The following AGBL4 variants were observed in gnomAD, a reference collection of about 807,000 sequenced individuals.
AGBL4 encodes the protein cytosolic carboxypeptidase 6.
In AGBL4, 58 loss-of-function variants were observed where a neutral mutation model predicts 66.4. That is an observed-to-expected ratio of 0.87 (90% confidence interval 0.71 to 1.09). AGBL4 has a LOEUF of 1.09. Ranked by LOEUF, AGBL4 falls within the 50% of genes least tolerant of loss-of-function variation. The pLI, the probability that AGBL4 is intolerant of heterozygous loss-of-function variation, is 0.00. For missense variants in AGBL4, 579 were observed against 631.0 expected (o/e 0.92, Z 0.88); for synonymous variants, 234 against 222.9 (o/e 1.05, Z -0.44).
intron 2 of AGBL4, among the ~76,000 whole-genome samples, chr1:49,832,242 T>C (rs1340303454): frequency 1.2e-3 from 181 of 147,634 alleles, no homozygotes; most frequent in Admixed American, 3.0e-3. Context: ...TGAGAATATG[T>C]GGTGTTTGGT....
chr1:48,577,223 G>A (rs1375865323), intron 11 of AGBL4, among the ~76,000 whole-genome samples: 1 of 152,144 alleles, frequency 6.6e-6, no homozygotes, highest in Admixed American at 6.5e-5. Flanking sequence ...AAGAAGGTGG[G>A]AACACAAGTA....
At chr1:49,098,417 G>T (rs1415445100) in intron 4 of AGBL4, among the ~76,000 whole-genome samples, 1 of 152,206 alleles carries the variant, frequency 6.6e-6, no homozygotes, top group Non-Finnish European at 1.5e-5. Context: ...GCCTGATCTG[G>T]TTTAGGACAG....
chr1:49,651,994 A>T (rs1646016490), intron 3 of AGBL4, among the ~76,000 whole-genome samples: 1 of 152,142 alleles, frequency 6.6e-6, no homozygotes, highest in Non-Finnish European at 1.5e-5. Flanking sequence ...GAAAGACAAG[A>T]TATAATAAAA....
chr1:49,057,526 T>G (rs978881129), intron 4 of AGBL4, among the ~76,000 whole-genome samples: 1 of 152,374 alleles, frequency 6.6e-6, no homozygotes, highest in Middle Eastern at 3.4e-3. Context: ...TTAACATGAC[T>G]TTTTTACTTC....
intron 3 of AGBL4, among the ~76,000 whole-genome samples, chr1:49,545,042 C>T (rs977879478): frequency 2.6e-5 from 4 of 152,122 alleles, no homozygotes; most frequent in African/African-American, 9.7e-5. Context: ...TTAATCCCAC[C>T]TCCTAATAGT....
chr1:49,244,946 G>A (rs929789761), intron 4 of AGBL4, among the ~76,000 whole-genome samples: 1 of 151,568 alleles, frequency 6.6e-6, no homozygotes, highest in African/African-American at 2.4e-5. Flanking sequence ...TGGCTGAAAA[G>A]GTATTACAGG....
At chr1:49,562,341 T>G (rs1644070358) in intron 3 of AGBL4, among the ~76,000 whole-genome samples, 2 of 152,184 alleles carry the variant, frequency 1.3e-5, no homozygotes, top group Non-Finnish European at 2.9e-5. Flanking sequence ...TTTTGGCTTT[T>G]GTTGCCATTG....
intron 5 of AGBL4, among the ~76,000 whole-genome samples, chr1:48,896,056 C>G (rs1191006558): frequency 6.6e-6 from 1 of 152,220 alleles, no homozygotes; most frequent in Non-Finnish European, 1.5e-5. Context: ...TTTCTCCCTA[C>G]TTCACAGGGT....
Position 50,001,370 on chromosome 1 carries a change from T to C in AGBL4, c.34+22393A>G, listed in dbSNP as rs1267926125. 4.0e-5 allele frequency among the ~76,000 whole-genome samples: 6 copies of C among 151,564 alleles called. No individual in the cohort carries two copies. In the East Asian group the frequency reaches 9.7e-4, roughly 24 times the overall value. On this transcript the variant is annotated intron_variant, in intron 1 of 13. Transcript: ENST00000371839. Reference sequence around the variant, plus strand: ...AAGTAGAAGGAAAAAAAACACAATCTTACCTTACATCTCTGGTGAATTTTT... The same window carrying C: ...AAGTAGAAGGAAAAAAAACACAATCCTACCTTACATCTCTGGTGAATTTTT...
chr1:48,903,022 C>T (rs1197274918), intron 5 of AGBL4, among the ~76,000 whole-genome samples: 1 of 152,184 alleles, frequency 6.6e-6, no homozygotes, highest in East Asian at 1.9e-4. Flanking sequence ...CTTCTCACCT[C>T]CTTGCCTGTG....
chr1:48,594,550 T>C (rs187951393), intron 9 of AGBL4, among the ~76,000 whole-genome samples: 27 of 152,342 alleles, frequency 1.8e-4, no homozygotes, highest in Admixed American at 1.3e-3. Flanking sequence ...GTATTTTTCA[T>C]GTAGAAATTT....
chr1:48,908,426 T>C (rs1201457216), intron 5 of AGBL4, among the ~76,000 whole-genome samples: 2 of 152,244 alleles, frequency 1.3e-5, no homozygotes, highest in African/African-American at 4.8e-5. Context: ...TGTGAATCTC[T>C]GTGAAAATAA....
chr1:48,724,708 T>C (rs1202579020), intron 6 of AGBL4, among the ~76,000 whole-genome samples: 2 of 152,216 alleles, frequency 1.3e-5, no homozygotes, highest in Non-Finnish European at 2.9e-5. Flanking sequence ...TTCTATAAAG[T>C]AGTTTTTCTC....
At chr1:49,395,898 G>A (rs1346493125) in intron 3 of AGBL4, among the ~76,000 whole-genome samples, 1 of 142,226 alleles carries the variant, frequency 7.0e-6, no homozygotes, top group Non-Finnish European at 1.5e-5. Flanking sequence ...TATATCAGTG[G>A]TCCTCCCCAA....
At chr1:48,748,722 T>C (rs1651165071) in intron 6 of AGBL4, among the ~76,000 whole-genome samples, 1 of 151,698 alleles carries the variant, frequency 6.6e-6, no homozygotes, top group East Asian at 1.9e-4. Context: ...GAGGGGGAGA[T>C]CACTGCCGGT....
chr1:48,805,418 G>C (rs186407594), intron 6 of AGBL4, among the ~76,000 whole-genome samples: 93 of 152,256 alleles, frequency 6.1e-4, no homozygotes, highest in African/African-American at 2.0e-3. Context: ...ATAGCTGTGC[G>C]GTAGAATCCC....
At chr1:48,651,351 A>G (rs919159000) in intron 8 of AGBL4, among the ~76,000 whole-genome samples, 2 of 152,192 alleles carry the variant, frequency 1.3e-5, no homozygotes, top group African/African-American at 2.4e-5. Flanking sequence ...TAAAGCCCTG[A>G]GAGGGGAGGC....
At chr1:49,500,470 G>C (rs61783601) in intron 3 of AGBL4, among the ~76,000 whole-genome samples, 64,037 of 150,518 alleles carry the variant, frequency 0.43, 16,232 homozygotes, top group Non-Finnish European at 0.57. Flanking sequence ...ATGTCAAGAA[G>C]AATTTTTCTG....
intron 3 of AGBL4, among the ~76,000 whole-genome samples, chr1:49,616,339 T>C (rs1206384416): frequency 6.6e-6 from 1 of 152,152 alleles, no homozygotes; most frequent in Non-Finnish European, 1.5e-5. Flanking sequence ...CACTCTGTTC[T>C]CCTTGAAACA....
Sources: allele counts gnomAD v4.1 joint callset (sites outside exome capture counted in the v4.1 genomes callset), GRCh38; gene constraint gnomAD v4.1.1; transcripts MANE v1.5; gene names NCBI Gene and HGNC (gene_info 2026-07-23, HGNC 2026-07-21).